Variants in ADAM18 observed in about 807,000 individuals in gnomAD.
The protein encoded by ADAM18 is disintegrin and metalloproteinase domain-containing protein 18.
Under a neutral mutation model 94.4 loss-of-function variants are expected in ADAM18, and 117 were observed. The observed-to-expected ratio is 1.24, with a 90% CI of 1.07 to 1.45. The LOEUF is 1.45. ADAM18 is among the 40% of genes most tolerant of loss of function. The pLI, the probability that ADAM18 is intolerant of heterozygous loss-of-function variation, is 0.00. For missense variants in ADAM18, 936 were observed against 880.0 expected, an observed-to-expected ratio of 1.06 and a Z score of -0.81; for synonymous variants, 327 against 291.6, an observed-to-expected ratio of 1.12 and a Z score of -1.24.
chr8:39,708,670 TC>T (rs1319072115), intron 18 of ADAM18, among the ~76,000 whole-genome samples: 2 of 152,204 alleles, frequency 1.3e-5, no homozygotes, highest in African/African-American at 4.8e-5. Flanking sequence ...AGTTCTCAAC[TC>T]CTTGCAGGAG....
chr8:39,704,311 A>G (rs1411670178), intron 17 of ADAM18, among the ~76,000 whole-genome samples: 2 of 152,126 alleles, frequency 1.3e-5, no homozygotes, highest in Admixed American at 6.6e-5. Context: ...ATCCTCAACA[A>G]AATACTGGTC....
At chr8:39,611,918 G>A (rs1487628389) in intron 6 of ADAM18, among the ~76,000 whole-genome samples, 3 of 151,986 alleles carry the variant, frequency 2.0e-5, no homozygotes, top group African/African-American at 7.3e-5. Flanking sequence ...CACACTAAAA[G>A]TGGAAAGCAA....
At chr8:39,661,773 T>A (rs1437952561) in intron 12 of ADAM18, among the ~76,000 whole-genome samples, 2 of 151,952 alleles carry the variant, frequency 1.3e-5, no homozygotes, top group East Asian at 3.9e-4. Context: ...CAGGTACAAA[T>A]AAGGTGCATG....
chr8:39,633,251 T>C (rs1304057867), intron 7 of ADAM18, among the ~76,000 whole-genome samples: 2 of 152,152 alleles, frequency 1.3e-5, no homozygotes, highest in Non-Finnish European at 1.5e-5. Flanking sequence ...GGAGTGGGTG[T>C]TGCCATTGCA....
intron 8 of ADAM18, 43 bp downstream of exon 8, chr8:39,637,378 C>G (rs1255076137): frequency 2.6e-6 from 4 of 1,553,836 alleles, no homozygotes; most frequent in South Asian, 2.4e-5. Flanking sequence ...ATGAAAGTTT[C>G]TTTAATATAA....
intron 6 of ADAM18, among the ~76,000 whole-genome samples, chr8:39,624,000 T>C (rs769586155): frequency 3.0e-4 from 46 of 152,240 alleles, no homozygotes; most frequent in Non-Finnish European, 5.6e-4. Context: ...ATGGTGGGAT[T>C]ATTTGTTTTT....
At chr8:39,636,511 C>T (rs1026232132) in intron 7 of ADAM18, among the ~76,000 whole-genome samples, 12 of 152,144 alleles carry the variant, frequency 7.9e-5, no homozygotes, top group Non-Finnish European at 1.3e-4. Flanking sequence ...TTATAATCCT[C>T]TTTCATTCCT....
At chr8:39,667,589 A>G (rs1305135137) in intron 13 of ADAM18, among the ~76,000 whole-genome samples, 8 of 152,174 alleles carry the variant, frequency 5.3e-5, no homozygotes, top group Non-Finnish European at 7.4e-5. Flanking sequence ...TTTCTCACCC[A>G]TACAAATAAG....
chr8:39,640,790 C>A (rs1478724211), intron 10 of ADAM18, among the ~76,000 whole-genome samples: 2 of 146,170 alleles, frequency 1.4e-5, no homozygotes, highest in Non-Finnish European at 3.0e-5. Flanking sequence ...TGATGTTGAG[C>A]TTTTTTTCAT....
In ADAM18 at chr8:39,680,104, T is replaced by C. The variant is rs1160010724; in HGVS notation, c.1699T>C (p.Ser567Pro). 6.2e-7 allele frequency: 1 copy of C among 1,613,808 alleles called. No individual in the cohort carries two copies. The highest frequency in any genetic ancestry group is 1.3e-5 in the African/African-American group (1 of 74,926). Reference sequence around the variant, plus strand: ...AAATGCTAATAAAAGTGACGCTCAATCTACAGTTTATTCATATATTCAAGA... The same window carrying C: ...AAATGCTAATAAAAGTGACGCTCAACCTACAGTTTATTCATATATTCAAGA... Reference protein sequence around the residue: ...HKNANKSDAQSTVYSYIQDHV... With the variant: ...HKNANKSDAQPTVYSYIQDHV... The change falls in exon 16 of 20, where the codon TCT (serine) becomes CCT (proline). Residue 567 changes from serine (S) to proline (P), a missense_variant. By Grantham distance (74) the Ser-to-Pro change is moderately conservative. Transcript: ENST00000265707.
intron 19 of ADAM18, among the ~76,000 whole-genome samples, chr8:39,729,661 T>A (rs971799332): frequency 1.3e-5 from 2 of 152,032 alleles, no homozygotes; most frequent in Non-Finnish European, 2.9e-5. Flanking sequence ...GTTTAGCTTT[T>A]TAGTTGGACT....
chr8:39,717,041 G>T (rs1344102334), intron 18 of ADAM18, among the ~76,000 whole-genome samples: 1 of 151,706 alleles, frequency 6.6e-6, no homozygotes, highest in Non-Finnish European at 1.5e-5. Context: ...TTTTATTTAT[G>T]TATGTATTTG....
At chr8:39,619,406 C>T (rs986871616) in intron 6 of ADAM18, among the ~76,000 whole-genome samples, 2 of 152,142 alleles carry the variant, frequency 1.3e-5, no homozygotes, top group African/African-American at 4.8e-5. Context: ...CAGGATAAGT[C>T]ATATTCTGTG....
intron 16 of ADAM18, among the ~76,000 whole-genome samples, chr8:39,682,372 GAA>G (rs542802121): frequency 7.5e-4 from 114 of 152,254 alleles, no homozygotes; most frequent in African/African-American, 2.7e-3. Context: ...CCAGTAAAGA[GAA>G]TACAAAATGA....
chr8:39,697,994 A>C (rs1283037553), intron 17 of ADAM18, among the ~76,000 whole-genome samples: 2 of 151,776 alleles, frequency 1.3e-5, no homozygotes, highest in Non-Finnish European at 3.0e-5. Context: ...AGTTTTGGAC[A>C]TTTTTAAATC....
At chr8:39,701,146 AAAAT>A (rs1822065892) in intron 17 of ADAM18, among the ~76,000 whole-genome samples, 1 of 146,996 alleles carries the variant, frequency 6.8e-6, no homozygotes, top group African/African-American at 2.5e-5. Context: ...AAAAAAAAAA[AAAAT>A]TTATTGTAAT....
chr8:39,714,373 G>A (rs796648928), intron 18 of ADAM18, among the ~76,000 whole-genome samples: 1 of 152,038 alleles, frequency 6.6e-6, no homozygotes. Flanking sequence ...AACCAACATA[G>A]CACATGCATA....
intron 6 of ADAM18, chr8:39,611,660 C>T (rs1326839609): frequency 1.1e-6 from 1 of 874,310 alleles, no homozygotes; most frequent in Non-Finnish European, 1.4e-6. Context: ...GGACAAACTG[C>T]ACATTAATTA....
chr8:39,719,947 TG>T (rs1822701068), intron 18 of ADAM18, among the ~76,000 whole-genome samples: 1 of 151,462 alleles, frequency 6.6e-6, no homozygotes, highest in African/African-American at 2.4e-5. Context: ...TCCATATAAA[TG>T]TATATAGTAA....
Sources: gnomAD v4.1 joint callset for allele counts (sites outside exome capture counted in the v4.1 genomes callset) on GRCh38, gnomAD v4.1.1 for gene constraint, MANE v1.5 for transcripts, NCBI Gene and HGNC (gene_info 2026-07-23, HGNC 2026-07-21) for gene names.